OPRM1: variants seen among roughly 807,000 people sequenced by gnomAD.
OPRM1 encodes mu-type opioid receptor.
In OPRM1, 27 loss-of-function variants were observed where a neutral mutation model predicts 31.8. The ratio of observed to expected loss-of-function variants is 0.85; its 90% CI spans 0.63 to 1.17. The LOEUF is 1.17. Among genes scored for constraint, OPRM1 ranks in the 50% most tolerant of loss-of-function variants. OPRM1 has a pLI of 0.00. For missense variants in OPRM1, 536 were observed against 511.1 expected (o/e 1.05, Z -0.47); for synonymous variants, 196 against 189.9 (o/e 1.03, Z -0.26).
At chr6:154,218,273 A>C (rs1778573817) in intron 3 of OPRM1, among the ~76,000 whole-genome samples, 1 of 152,222 alleles carries the variant, frequency 6.6e-6, no homozygotes, top group Admixed American at 6.5e-5. Flanking sequence ...ACAAAACAAG[A>C]GCATTCTTCC....
In OPRM1 at chr6:154,091,166, G is replaced by T. The variant is rs756034488; in HGVS notation, c.858G>T (p.Val286=). 6.2e-7 allele frequency: 1 copy of T among 1,614,116 alleles called. No homozygotes were observed. The highest frequency in any genetic ancestry group is 2.2e-5 in the East Asian group (1 of 44,886). The change falls in exon 3 of 4, where the codon GTG becomes GTT. Residue 286 remains valine, a synonymous_variant. Transcript: ENST00000330432. ...GAAGGATCACCAGGATGGTGCTGGT[G>T]GTGGTGGCTGTGTTCATCGTCTGCT... ...NLRRITRMVL[V]VVAVFIVCWT...
intron 3 of OPRM1, among the ~76,000 whole-genome samples, chr6:154,112,962 A>C (rs1299777502): frequency 2.0e-5 from 3 of 152,232 alleles, no homozygotes. Flanking sequence ...GTCACAGAGA[A>C]GACTAATAGG....
chr6:154,135,510 T>C (rs1798038753), downstream of OPRM1, among the ~76,000 whole-genome samples: 1 of 151,890 alleles, frequency 6.6e-6, no homozygotes, highest in South Asian at 2.1e-4. Flanking sequence ...GATATAGATA[T>C]AGATATAGAT....
chr6:154,152,418 C>T (rs1432453605), intron 3 of OPRM1, among the ~76,000 whole-genome samples: 1 of 147,284 alleles, frequency 6.8e-6, no homozygotes, highest in Admixed American at 6.7e-5. Context: ...GTTGTGGTTA[C>T]ACAGGTCAGG....
chr6:154,186,392 T>A (rs72999473), intron 3 of OPRM1, among the ~76,000 whole-genome samples: 1 of 152,152 alleles, frequency 6.6e-6, no homozygotes, highest in African/African-American at 2.4e-5. Context: ...CATTTTAAAA[T>A]ATACACAGCA....
intron 1 of OPRM1, among the ~76,000 whole-genome samples, chr6:154,089,359 G>A (rs1306312614): frequency 6.6e-6 from 1 of 152,006 alleles, no homozygotes; most frequent in Admixed American, 6.6e-5. Flanking sequence ...GGCCGAGGAG[G>A]GAGGACTGCT....
Position 154,158,794 on chromosome 6 carries a change from C to A in OPRM1, c.1164+67322C>A, listed in dbSNP as rs951667384. On this transcript the variant is annotated intron_variant, in intron 3 of 3. Coordinates refer to the OPRM1 transcript ENST00000337049. Reference sequence around the variant, plus strand: ...TTTTAAACACTAGTAATTTGAACTTCTATAAATATATTTAAATAACAAACA... The same window carrying A: ...TTTTAAACACTAGTAATTTGAACTTATATAAATATATTTAAATAACAAACA... 25 of 152,290 alleles carry A rather than the reference C, an allele frequency of 1.6e-4. 1 individual carries two copies. Among genetic ancestry groups the A allele is most frequent in the Admixed American group, 3.9e-4 (6 of 15,302 alleles). 9.4% of individuals were successfully genotyped at this position (152,290 alleles called of 1,614,324 possible).
At chr6:154,216,619 C>G (rs1284193321) in intron 3 of OPRM1, among the ~76,000 whole-genome samples, 1 of 152,140 alleles carries the variant, frequency 6.6e-6, no homozygotes, top group African/African-American at 2.4e-5. Context: ...CCTGTAATCC[C>G]AGCACTTTGG....
chr6:154,235,360 G>A (rs940414387), intron 3 of OPRM1, among the ~76,000 whole-genome samples: 24 of 152,072 alleles, frequency 1.6e-4, no homozygotes, highest in African/African-American at 3.9e-4. Flanking sequence ...GCGAAAACCC[G>A]TCTCTACTAA....
intron 1 of OPRM1, among the ~76,000 whole-genome samples, chr6:154,077,971 A>G (rs1022876273): frequency 5.3e-5 from 8 of 152,136 alleles, no homozygotes; most frequent in Non-Finnish European, 1.2e-4. Context: ...AAGGCAGTGA[A>G]CATATTTCTG....
intron 1 of OPRM1, among the ~76,000 whole-genome samples, chr6:154,053,057 T>C (rs560986472): frequency 6.6e-6 from 1 of 152,274 alleles, no homozygotes; most frequent in South Asian, 2.1e-4. Context: ...CCCCAACCCT[T>C]TATTTGACTC....
At chr6:154,213,131 G>T (rs913288026) in intron 3 of OPRM1, 11 of 398,246 alleles carry the variant, frequency 2.8e-5, no homozygotes, top group Non-Finnish European at 5.1e-5. Flanking sequence ...CTCAAAAGAG[G>T]TGTGAGTCAT....
upstream of OPRM1, among the ~76,000 whole-genome samples, chr6:154,035,371 A>G (rs1349679673): frequency 1.3e-5 from 2 of 152,158 alleles, no homozygotes; most frequent in Non-Finnish European, 2.9e-5. Context: ...CTTGATATGT[A>G]TGCAACAATC....
At chr6:154,037,568 C>T (rs1236257877), upstream of OPRM1, among the ~76,000 whole-genome samples, 1 of 151,974 alleles carries the variant, frequency 6.6e-6, no homozygotes, top group African/African-American at 2.4e-5. Context: ...AGAACTACAT[C>T]TTATAAGAAA....
chr6:154,135,266 C>T (rs953314497), downstream of OPRM1, among the ~76,000 whole-genome samples: 1 of 152,080 alleles, frequency 6.6e-6, no homozygotes, highest in African/African-American at 2.4e-5. Flanking sequence ...GTCCGGAGTT[C>T]AAGACCAGCC....
intron 3 of OPRM1, among the ~76,000 whole-genome samples, chr6:154,204,365 A>C (rs1777313625): frequency 6.6e-6 from 1 of 152,246 alleles, no homozygotes; most frequent in Non-Finnish European, 1.5e-5. Context: ...GAAACAAAAA[A>C]GTCTAAACAA....
intron 3 of OPRM1, chr6:154,199,940 G>A: frequency 6.2e-7 from 1 of 1,614,218 alleles, no homozygotes; most frequent in Non-Finnish European, 8.5e-7. Context: ...AGATAAGGAG[G>A]AAGGAAAACT....
intron 3 of OPRM1, among the ~76,000 whole-genome samples, chr6:154,182,801 A>T (rs1801003851): frequency 6.6e-6 from 1 of 152,114 alleles, no homozygotes; most frequent in African/African-American, 2.4e-5. Flanking sequence ...AACCATGTGG[A>T]TCCATGATGG....
At chr6:154,095,915 C>G (rs1018881924) in intron 3 of OPRM1, among the ~76,000 whole-genome samples, 2 of 152,142 alleles carry the variant, frequency 1.3e-5, no homozygotes, top group African/African-American at 4.8e-5. Context: ...GCTTTCAAAC[C>G]CTTCCCTTGT....
Sources: allele counts gnomAD v4.1 joint callset (sites outside exome capture counted in the v4.1 genomes callset), GRCh38; gene constraint gnomAD v4.1.1; transcripts MANE v1.5; gene names NCBI Gene and HGNC (gene_info 2026-07-23, HGNC 2026-07-21).